The following THSD7B variants were observed in gnomAD, a reference collection of about 807,000 sequenced individuals.
THSD7B encodes the protein thrombospondin type 1 domain containing 7B, also known as thrombospondin type-1 domain-containing protein 7B.
Under a neutral mutation model 213.6 loss-of-function variants are expected in THSD7B, and 138 were observed. The ratio of observed to expected loss-of-function variants is 0.65; its 90% CI spans 0.56 to 0.74. THSD7B has a LOEUF of 0.74. Ranked by LOEUF, THSD7B falls within the 30% of genes least tolerant of loss-of-function variation. THSD7B has a pLI of 0.00. For missense variants in THSD7B, 1,931 were observed against 1,991.5 expected (o/e 0.97, Z 0.58); for synonymous variants, 742 against 687.0 (o/e 1.08, Z -1.25).
intron 12 of THSD7B, among the ~76,000 whole-genome samples, chr2:137,330,561 T>C (rs1402316425): frequency 6.6e-6 from 1 of 152,112 alleles, no homozygotes; most frequent in East Asian, 1.9e-4. Flanking sequence ...TCGTGCTGGC[T>C]CAGGAGTGAA....
At chr2:137,509,322 C>CTCTG (rs1679910318) in intron 15 of THSD7B, among the ~76,000 whole-genome samples, 2 of 137,546 alleles carry the variant, frequency 1.5e-5, no homozygotes, top group African/African-American at 5.4e-5. Flanking sequence ...TCTTTCTTTT[C>CTCTG]TCTTTCTTTC....
At chr2:137,295,476 C>A (rs891510468) in intron 12 of THSD7B, among the ~76,000 whole-genome samples, 5 of 151,840 alleles carry the variant, frequency 3.3e-5, no homozygotes, top group Admixed American at 2.0e-4. Context: ...ATTAAAAAAT[C>A]TTTTTTGTTT....
chr2:136,998,916 ACACACAC>A (rs1685948471), intron 2 of THSD7B, among the ~76,000 whole-genome samples: 20 of 85,700 alleles, frequency 2.3e-4, no homozygotes, highest in Admixed American at 7.4e-4. Flanking sequence ...ACAGACACAC[ACACACAC>A]ACACACACAC....
At chr2:137,088,732 T>C (rs2104911766) in intron 3 of THSD7B, among the ~76,000 whole-genome samples, 1 of 152,146 alleles carries the variant, frequency 6.6e-6, no homozygotes, top group East Asian at 1.9e-4. Context: ...TCTATACATG[T>C]GACAAAGTAC....
intron 5 of THSD7B, among the ~76,000 whole-genome samples, chr2:137,130,586 T>C (rs1220041795): frequency 2.1e-5 from 3 of 143,500 alleles, no homozygotes; most frequent in Non-Finnish European, 4.5e-5. Context: ...TGTCCATGTG[T>C]TCTCATTGTT....
At position 137,266,486 on chromosome 2, in the gene THSD7B, A is replaced by G. The variant is rs372278955; in HGVS notation, c.2267-6047A>G. Reference sequence around the variant, plus strand: ...TGTTTTTGAGTGGTGAATTGTATATATAAGTGAAGAGGAGGAAAGAGAACT... The same window carrying G: ...TGTTTTTGAGTGGTGAATTGTATATGTAAGTGAAGAGGAGGAAAGAGAACT... On this transcript the variant is annotated intron_variant, in intron 10 of 27. Coordinates refer to ENST00000409968, the MANE Select transcript of THSD7B (RefSeq NM_001316349.2). Among the ~76,000 whole-genome samples, 17 of 152,324 alleles carry G rather than the reference A, an allele frequency of 1.1e-4. 2 individuals carry two copies. Among genetic ancestry groups the G allele is most frequent in the Admixed American group, 6.5e-4 (10 of 15,304 alleles).
intron 1 of THSD7B, among the ~76,000 whole-genome samples, chr2:136,789,408 C>T (rs1339666881): frequency 1.3e-5 from 2 of 151,886 alleles, no homozygotes; most frequent in African/African-American, 2.4e-5. Context: ...GATACATTCA[C>T]ATAATATGTA....
chr2:137,569,138 G>A (rs1470799923), intron 16 of THSD7B, among the ~76,000 whole-genome samples: 2 of 152,216 alleles, frequency 1.3e-5, no homozygotes, highest in East Asian at 3.9e-4. Flanking sequence ...CTCCGGAGAT[G>A]GAGAAAGGGG....
At chr2:136,797,011 C>CACACACACACACAA (rs1001212390) in intron 1 of THSD7B, among the ~76,000 whole-genome samples, 3 of 149,812 alleles carry the variant, frequency 2.0e-5, no homozygotes, top group Non-Finnish European at 3.0e-5. Flanking sequence ...CACACACACA[C>CACACACACACACAA]AACCTAAAAA....
chr2:137,009,595 G>T (rs1686185597), intron 2 of THSD7B, among the ~76,000 whole-genome samples: 1 of 152,156 alleles, frequency 6.6e-6, no homozygotes, highest in South Asian at 2.1e-4. Flanking sequence ...AAGGGGAAAG[G>T]TGCGTCTTAC....
At position 136,811,867 on chromosome 2, in the gene THSD7B, G is replaced by A. The variant is rs115530172; in HGVS notation, c.-36+46180G>A. ...CAGTCATGGTTGTCCTCTTTGGAAG[G>A]GTGTCGGCTCTTCAAATTCCCACCA... On this transcript the variant is annotated intron_variant, in intron 1 of 27. Coordinates refer to ENST00000409968, the MANE Select transcript of THSD7B (RefSeq NM_001316349.2). Among the ~76,000 whole-genome samples the A allele has an allele frequency of 7.3e-3, 1,113 of 152,194 alleles. 23 individuals are homozygous for A. Among genetic ancestry groups the A allele is most frequent in the African/African-American group, 0.025 (1,034 of 41,510 alleles).
At chr2:137,395,035 T>C (rs1402753251) in intron 12 of THSD7B, among the ~76,000 whole-genome samples, 1 of 142,680 alleles carries the variant, frequency 7.0e-6, no homozygotes, top group African/African-American at 2.6e-5. Flanking sequence ...TTTGCTGAAG[T>C]TGCTTATCAG....
chr2:136,809,358 C>G (rs957616104), intron 1 of THSD7B, among the ~76,000 whole-genome samples: 3 of 152,092 alleles, frequency 2.0e-5, no homozygotes, highest in Non-Finnish European at 2.9e-5. Flanking sequence ...CAATGCTTGC[C>G]ACATTTGAGG....
chr2:137,185,133 A>G (rs1363646814), intron 7 of THSD7B, among the ~76,000 whole-genome samples: 1 of 152,202 alleles, frequency 6.6e-6, no homozygotes, highest in Non-Finnish European at 1.5e-5. Flanking sequence ...AGTTATCCAG[A>G]AGAGAATATA....
At chr2:137,584,443 G>T (rs1681667278) in intron 17 of THSD7B, among the ~76,000 whole-genome samples, 1 of 152,100 alleles carries the variant, frequency 6.6e-6, no homozygotes, top group Non-Finnish European at 1.5e-5. Flanking sequence ...TCCAAGTTTT[G>T]CCCATTCAGT....
At chr2:136,845,951 T>C (rs569133424) in intron 1 of THSD7B, among the ~76,000 whole-genome samples, 59 of 152,318 alleles carry the variant, frequency 3.9e-4, no homozygotes, top group African/African-American at 1.4e-3. Flanking sequence ...TTCCCGTGAC[T>C]GGCCATGGTG....
intron 2 of THSD7B, among the ~76,000 whole-genome samples, chr2:137,035,787 T>C (rs1026040814): frequency 6.6e-6 from 1 of 152,188 alleles, no homozygotes; most frequent in African/African-American, 2.4e-5. Flanking sequence ...AGGAAAGGGC[T>C]TTGATATGCC....
At position 137,082,745 on chromosome 2, in the gene THSD7B, A is replaced by G. The variant is rs62172278; in HGVS notation, c.951-12128A>G. Among the ~76,000 whole-genome samples the G allele has an allele frequency of 8.6e-3, 1,302 of 152,234 alleles. 13 individuals carry two copies. Among genetic ancestry groups the G allele is most frequent in the South Asian group, 0.016 (75 of 4,832 alleles). On this transcript the variant is annotated intron_variant, in intron 3 of 27. Transcript: ENST00000409968. ...ACCGGTTGTACACACATCCACAACT[A>G]TGTACCTACATATCATTCTTAGTAC...
At chr2:136,884,443 AG>A (rs1683682385) in intron 2 of THSD7B, among the ~76,000 whole-genome samples, 1 of 152,124 alleles carries the variant, frequency 6.6e-6, no homozygotes, top group Admixed American at 6.6e-5. Context: ...AGGGGAATGA[AG>A]GGCTCCACCT....
Sources: allele counts gnomAD v4.1 joint callset (sites outside exome capture counted in the v4.1 genomes callset), GRCh38; gene constraint gnomAD v4.1.1; transcripts MANE v1.5; gene names NCBI Gene and HGNC (gene_info 2026-07-23, HGNC 2026-07-21).